ITK: variants seen among roughly 807,000 people sequenced by gnomAD.
The protein encoded by ITK is tyrosine-protein kinase ITK/TSK.
Under a neutral mutation model 87.6 loss-of-function variants are expected in ITK, and 45 were observed. The ratio of observed to expected loss-of-function variants is 0.51; its 90% CI spans 0.40 to 0.66. The LOEUF is 0.66. Ranked by LOEUF, ITK falls within the 30% of genes least tolerant of loss-of-function variation. The pLI, the probability that ITK is intolerant of heterozygous loss-of-function variation, is 0.00. For missense variants in ITK, 605 were observed against 766.3 expected (o/e 0.79, Z 2.48); for synonymous variants, 303 against 273.6 (o/e 1.11, Z -1.06).
intron 4 of ITK, among the ~76,000 whole-genome samples, chr5:157,216,060 G>A (rs1257115202): frequency 6.6e-6 from 1 of 152,134 alleles, no homozygotes; most frequent in Non-Finnish European, 1.5e-5. Flanking sequence ...CTGTGCTAAT[G>A]GTTTTGCTTT....
At chr5:157,244,735 C>T (rs1183902041) in intron 13 of ITK, among the ~76,000 whole-genome samples, 1 of 151,680 alleles carries the variant, frequency 6.6e-6, no homozygotes, top group Non-Finnish European at 1.5e-5. Context: ...AGATAACTGC[C>T]ACTCCTTCTT....
rs114211910 is a variant in ITK, at chr5:157,227,568, T to A, written c.648-728T>A. On this transcript the variant is annotated intron_variant, in intron 6 of 16. Coordinates refer to ENST00000422843, the MANE Select transcript of ITK (RefSeq NM_005546.4). ...AAAGTCATCTTTTATATTTTAATTA[T>A]TTTGGTTTCCTGACTATAAAATGAT... Among the ~76,000 whole-genome samples, 961 of 152,246 alleles carry A rather than the reference T, an allele frequency of 6.3e-3. 7 individuals are homozygous for A. The highest frequency in any genetic ancestry group is 0.022 in the African/African-American group (894 of 41,556).
At chr5:157,204,810 T>A (rs1754047496) in intron 1 of ITK, among the ~76,000 whole-genome samples, 1 of 152,246 alleles carries the variant, frequency 6.6e-6, no homozygotes, top group Non-Finnish European at 1.5e-5. Context: ...GATTTTGTAC[T>A]TTCAATAATG....
In ITK at chr5:157,214,333, A is replaced by T; in HGVS notation, c.454+14A>T. On this transcript the variant is annotated intron_variant, in intron 4 of 16. Transcript: ENST00000422843. Reference sequence around the variant, plus strand: ...CAACCAAGAATGGTAAGAGACTGGGAATTCCCTCTAGTTTTTGTGAAATGA... The same window carrying T: ...CAACCAAGAATGGTAAGAGACTGGGTATTCCCTCTAGTTTTTGTGAAATGA... 1 of 1,610,412 alleles carries T rather than the reference A, an allele frequency of 6.2e-7. No individual in the cohort carries two copies. Among genetic ancestry groups the T allele is most frequent in the Non-Finnish European group, 8.5e-7 (1 of 1,176,606 alleles).
intron 8 of ITK, among the ~76,000 whole-genome samples, chr5:157,232,643 G>T (rs1373117262): frequency 6.6e-6 from 1 of 152,156 alleles, no homozygotes; most frequent in Non-Finnish European, 1.5e-5. Context: ...AAGAAAGAAA[G>T]AATTGTACTG....
chr5:157,218,864 G>T (rs1754355053), intron 5 of ITK, among the ~76,000 whole-genome samples: 1 of 152,056 alleles, frequency 6.6e-6, no homozygotes, highest in African/African-American at 2.4e-5. Flanking sequence ...AAATTCTTAG[G>T]CCCCACCCCC....
intron 7 of ITK, among the ~76,000 whole-genome samples, chr5:157,229,695 C>T (rs1382513432): frequency 6.6e-6 from 1 of 152,190 alleles, no homozygotes. Flanking sequence ...AGGTGGATCA[C>T]CTGAGATCAG....
At chr5:157,216,783 A>G (rs1235995114) in intron 4 of ITK, among the ~76,000 whole-genome samples, 1 of 152,164 alleles carries the variant, frequency 6.6e-6, no homozygotes, top group African/African-American at 2.4e-5. Context: ...TGAGTTCTAA[A>G]TAGGAACCAT....
chr5:157,180,992 C>T lies in ITK; in HGVS notation c.15C>T (p.Ile5=), dbSNP rs750096142. The part of the protein sequence containing the change: MNNF[I]LLEEQLIKKS... ...AGAACTGGATCATGAACAACTTTAT[C>T]CTCCTGGAAGAACAGCTCATCAAGA... The change falls in exon 1 of 17, where the codon ATC becomes ATT. Residue 5 remains isoleucine (I), a synonymous_variant. Transcript: ENST00000422843. 7 of 1,613,918 alleles carry T rather than the reference C, an allele frequency of 4.3e-6. No individual in the cohort carries two copies. Among genetic ancestry groups the T allele is most frequent in the Non-Finnish European group, 4.2e-6 (5 of 1,179,814 alleles).
chr5:157,239,429 T>A (rs929105679), intron 9 of ITK, among the ~76,000 whole-genome samples: 1 of 152,188 alleles, frequency 6.6e-6, no homozygotes, highest in Non-Finnish European at 1.5e-5. Flanking sequence ...AGGCTTTTAT[T>A]GGAGGCTGTT....
intron 1 of ITK, among the ~76,000 whole-genome samples, chr5:157,193,987 A>G (rs1190678698): frequency 6.6e-6 from 1 of 152,154 alleles, no homozygotes; most frequent in East Asian, 1.9e-4. Context: ...TAAAAGTAAA[A>G]TTTTGTTTTG....
chr5:157,244,102 C>A, intron 12 of ITK, 160 bp from the exon 13 acceptor site: 1 of 738,694 alleles, frequency 1.4e-6, no homozygotes, highest in Non-Finnish European at 2.4e-6. Flanking sequence ...CAGGTCTCAG[C>A]TCCAATGACA....
chr5:157,241,398 AATTAT>A (rs1580906421), intron 10 of ITK: 5 of 225,816 alleles, frequency 2.2e-5, no homozygotes, highest in East Asian at 9.1e-5. Context: ...ACAAATATTT[AATTAT>A]ATTATATATC....
intron 15 of ITK, among the ~76,000 whole-genome samples, chr5:157,247,763 A>T (rs1002962482): frequency 1.3e-5 from 2 of 152,222 alleles, no homozygotes; most frequent in African/African-American, 2.4e-5. Context: ...GCATCAGCCC[A>T]TTGGACTTTG....
intron 16 of ITK, 123 bp from the exon 17 acceptor site, chr5:157,252,484 A>G (rs1027238083): frequency 7.9e-6 from 6 of 759,852 alleles, no homozygotes; most frequent in Non-Finnish European, 1.4e-5. Context: ...TATGGAATAC[A>G]GTCAACATGG....
In ITK at chr5:157,201,354, G is replaced by A. The variant is rs185523807; in HGVS notation, c.139-7535G>A. Among the ~76,000 whole-genome samples, 23 of 143,128 alleles carry A rather than the reference G, an allele frequency of 1.6e-4. No individual in the cohort carries two copies. The East Asian group carries it at 1.6e-3, about 10-fold the overall frequency. The allele number at this position is 143,128 out of a possible 152,430, so 93.9% of individuals were successfully genotyped here. A position where few individuals can be genotyped will look rare whatever the true frequency, so the allele number is the denominator to read the frequency against. On this transcript the variant is annotated intron_variant, in intron 1 of 16. Coordinates refer to ENST00000422843, the MANE Select transcript of ITK (RefSeq NM_005546.4). ...GCTCTGTCACCCAGGCTGGAGTACA[G>A]TGGCATGATCTTGGCTCACTGCAAC...
At chr5:157,200,324 C>T (rs1053694807) in intron 1 of ITK, among the ~76,000 whole-genome samples, 3 of 152,086 alleles carry the variant, frequency 2.0e-5, no homozygotes. Flanking sequence ...GTGACTTTCG[C>T]CCCAAGTAAT....
intron 6 of ITK, among the ~76,000 whole-genome samples, chr5:157,224,086 C>T (rs550177543): frequency 2.0e-4 from 30 of 152,150 alleles, no homozygotes; most frequent in Non-Finnish European, 3.4e-4. Context: ...GAGTTTGAGA[C>T]CAGCCTGGCC....
intron 1 of ITK, among the ~76,000 whole-genome samples, chr5:157,185,825 C>G (rs1753630718): frequency 6.6e-6 from 1 of 152,156 alleles, no homozygotes; most frequent in Non-Finnish European, 1.5e-5. Flanking sequence ...GCCTGGGCAA[C>G]AGGCTGAGAC....
Sources: gnomAD v4.1 joint callset for allele counts (sites outside exome capture counted in the v4.1 genomes callset) on GRCh38, gnomAD v4.1.1 for gene constraint, MANE v1.5 for transcripts, NCBI Gene and HGNC (gene_info 2026-07-23, HGNC 2026-07-21) for gene names.